The following DCLK2 variants were observed in gnomAD, a reference collection of about 807,000 sequenced individuals.
DCLK2 encodes doublecortin like kinase 2.
In DCLK2, 31 loss-of-function variants were observed where a neutral mutation model predicts 78.4. The observed-to-expected ratio is 0.40, with a 90% CI of 0.30 to 0.53. The LOEUF (loss-of-function observed/expected upper bound fraction) is 0.53. Ranked by LOEUF, DCLK2 falls within the 20% of genes least tolerant of loss-of-function variation. The pLI is 0.61. For synonymous variants in DCLK2, 407 were observed against 374.9 expected (o/e 1.09, Z -0.99); for missense variants, 872 against 973.7 (o/e 0.90, Z 1.39).
At chr4:150,134,330 C>A (rs1313323738) in intron 2 of DCLK2, among the ~76,000 whole-genome samples, 1 of 152,076 alleles carries the variant, frequency 6.6e-6, no homozygotes, top group Non-Finnish European at 1.5e-5. Context: ...GATCCACCTG[C>A]CTCGGCCTCC....
chr4:150,160,197 T>C (rs1255600391), intron 2 of DCLK2, among the ~76,000 whole-genome samples: 1 of 152,100 alleles, frequency 6.6e-6, no homozygotes, highest in Non-Finnish European at 1.5e-5. Context: ...TGTGTACTTT[T>C]TGTAGAGTCA....
Position 150,232,241 on chromosome 4 carries a change from G to C in DCLK2, c.1300-96G>C, listed in dbSNP as rs567041775. ...AAGAGCAATGCTTTCTTTGGCATCA[G>C]ATCCACAGGCTGTGTTTGTTTTGCT... On this transcript the variant is annotated intron_variant, in intron 8 of 15. Transcript: ENST00000296550. The C allele has an allele frequency of 4.1e-6, 6 of 1,465,648 alleles. No individual in the cohort carries two copies. In the East Asian group the frequency reaches 1.1e-4, roughly 28 times the overall value. The allele number at this position is 1,465,648 out of a possible 1,614,324, so 90.8% of individuals were successfully genotyped here. A position where few individuals can be genotyped will look rare whatever the true frequency, so the allele number is the denominator to read the frequency against.
intron 2 of DCLK2, among the ~76,000 whole-genome samples, chr4:150,168,119 G>A (rs10012983): frequency 0.15 from 22,470 of 152,034 alleles, 2,102 homozygotes; most frequent in South Asian, 0.43. Flanking sequence ...CAAGGCGGGC[G>A]GATCACGAGG....
intron 15 of DCLK2, among the ~76,000 whole-genome samples, chr4:150,250,904 C>G (rs1743778120): frequency 1.1e-5 from 1 of 87,566 alleles, no homozygotes; most frequent in African/African-American, 3.8e-5. Flanking sequence ...CCACACCCCC[C>G]ACATCCCCAC....
At chr4:150,225,333 C>G (rs551489403) in intron 8 of DCLK2, among the ~76,000 whole-genome samples, 1 of 152,182 alleles carries the variant, frequency 6.6e-6, no homozygotes, top group Non-Finnish European at 1.5e-5. Flanking sequence ...ATAAGATAAA[C>G]TTTTTTCCTT....
At chr4:150,179,250 G>T (rs566314839) in intron 2 of DCLK2, among the ~76,000 whole-genome samples, 1 of 152,088 alleles carries the variant, frequency 6.6e-6, no homozygotes, top group African/African-American at 2.4e-5. Context: ...GGATGGTCTC[G>T]ATCTCCTAAC....
At chr4:150,235,511 G>C (rs1415234997) in intron 10 of DCLK2, among the ~76,000 whole-genome samples, 2 of 152,158 alleles carry the variant, frequency 1.3e-5, no homozygotes, top group Admixed American at 6.5e-5. Context: ...ACCTACGGGA[G>C]CCCCCTTGTG....
chr4:150,191,008 C>T (rs562907421), intron 2 of DCLK2, among the ~76,000 whole-genome samples: 1 of 152,146 alleles, frequency 6.6e-6, no homozygotes, highest in Admixed American at 6.6e-5. Flanking sequence ...CACCTATGGT[C>T]CCAGCTACTC....
chr4:150,089,547 C>G (rs997839923), intron 1 of DCLK2, among the ~76,000 whole-genome samples: 1 of 152,148 alleles, frequency 6.6e-6, no homozygotes, highest in Non-Finnish European at 1.5e-5. Context: ...CAAACTTTAA[C>G]AATGGTAGCC....
intron 2 of DCLK2, among the ~76,000 whole-genome samples, chr4:150,181,272 C>A (rs1468277451): frequency 6.6e-6 from 1 of 152,160 alleles, no homozygotes; most frequent in African/African-American, 2.4e-5. Context: ...CACCTTTCTG[C>A]CCCTACAGTT....
At chr4:150,149,403 C>T (rs539350715) in intron 2 of DCLK2, among the ~76,000 whole-genome samples, 7 of 152,100 alleles carry the variant, frequency 4.6e-5, no homozygotes, top group Non-Finnish European at 1.0e-4. Flanking sequence ...ATATTAAACT[C>T]AGCTGGTGGA....
chr4:150,125,059 C>T (rs1274472137), intron 2 of DCLK2, among the ~76,000 whole-genome samples: 1 of 152,020 alleles, frequency 6.6e-6, no homozygotes, highest in Non-Finnish European at 1.5e-5. Flanking sequence ...AGAAAGACAC[C>T]AATGTTTTTA....
At position 150,179,573 on chromosome 4, in the gene DCLK2, A is replaced by G. The variant is rs199515085; in HGVS notation, c.757-13565A>G. ...CCTGGATGTGCTCATTGTATGCTAA[A>G]CAGACACCAAAAGGGTTGACTAATC... On this transcript the variant is annotated intron_variant, in intron 2 of 15. Coordinates refer to ENST00000296550, the MANE Select transcript of DCLK2 (RefSeq NM_001040260.4). 1.1e-4 allele frequency among the ~76,000 whole-genome samples: 16 copies of G among 152,306 alleles called. No homozygotes were observed. In the East Asian group the frequency reaches 3.1e-3, roughly 29 times the overall value.
intron 15 of DCLK2, among the ~76,000 whole-genome samples, chr4:150,250,481 C>G (rs889044765): frequency 1.3e-5 from 2 of 152,036 alleles, no homozygotes; most frequent in Non-Finnish European, 1.5e-5. Flanking sequence ...CAGCCAGCCA[C>G]CCAGGCAGGG....
chr4:150,164,498 T>G (rs1735926188), intron 2 of DCLK2, among the ~76,000 whole-genome samples: 1 of 152,192 alleles, frequency 6.6e-6, no homozygotes, highest in Non-Finnish European at 1.5e-5. Context: ...GTACATATAT[T>G]GTTTAAAAAT....
intron 2 of DCLK2, among the ~76,000 whole-genome samples, chr4:150,168,096 C>G (rs1271279896): frequency 2.0e-5 from 3 of 152,190 alleles, no homozygotes; most frequent in Non-Finnish European, 4.4e-5. Flanking sequence ...GTAATCCCAG[C>G]ACTTTGGGAG....
chr4:150,133,961 G>A (rs927082894), intron 2 of DCLK2, among the ~76,000 whole-genome samples: 3 of 152,000 alleles, frequency 2.0e-5, no homozygotes, highest in African/African-American at 7.2e-5. Context: ...GCTAACTAAA[G>A]GAGTTTCTTC....
At chr4:150,123,712 C>T (rs1166029519) in intron 2 of DCLK2, among the ~76,000 whole-genome samples, 1 of 152,062 alleles carries the variant, frequency 6.6e-6, no homozygotes. Context: ...CCTGTGTTTG[C>T]CTTTTCAGTA....
At chr4:150,151,567 G>C (rs1734897413) in intron 2 of DCLK2, among the ~76,000 whole-genome samples, 1 of 152,190 alleles carries the variant, frequency 6.6e-6, no homozygotes, top group Non-Finnish European at 1.5e-5. Context: ...AAAGGAAAAT[G>C]TGTCTCTAGA....
Sources: allele counts gnomAD v4.1 joint callset (sites outside exome capture counted in the v4.1 genomes callset), GRCh38; gene constraint gnomAD v4.1.1; transcripts MANE v1.5; gene names NCBI Gene and HGNC (gene_info 2026-07-23, HGNC 2026-07-21).